The following AKR1C8 variants were observed in gnomAD, a reference collection of about 807,000 sequenced individuals.
AKR1C8 encodes the protein aldo-keto reductase family 1 member C-like protein 1.
the AKR1C8 span, among the ~76,000 whole-genome samples, chr10:5,152,183 G>C: frequency 6.6e-5 from 10 of 152,292 alleles, no homozygotes; most frequent in South Asian, 2.1e-3. Flanking sequence ...AGCCCACAAA[G>C]AATTTGGGAT....
the AKR1C8 span, among the ~76,000 whole-genome samples, chr10:5,121,849 A>G: frequency 6.6e-6 from 1 of 152,104 alleles, no homozygotes; most frequent in Middle Eastern, 3.2e-3. Context: ...TAGTGAGGGC[A>G]TCAAAAAAAG....
the AKR1C8 span, among the ~76,000 whole-genome samples, chr10:5,163,837 T>C: frequency 6.6e-6 from 1 of 152,028 alleles, no homozygotes; most frequent in Admixed American, 6.6e-5. Flanking sequence ...TCACCACAGA[T>C]ATGCCTTTGT....
the AKR1C8 span, among the ~76,000 whole-genome samples, chr10:5,143,435 G>A: frequency 6.6e-6 from 1 of 152,078 alleles, no homozygotes; most frequent in African/African-American, 2.4e-5. Context: ...TAGACTGGAG[G>A]ATACTTTGAT....
the AKR1C8 span, among the ~76,000 whole-genome samples, chr10:5,172,195 T>C: frequency 6.6e-5 from 10 of 152,248 alleles, no homozygotes; most frequent in Admixed American, 1.3e-4. Flanking sequence ...GAGGCCTAAT[T>C]ACTTTTAAAT....
chr10:5,118,825 C>A, the AKR1C8 span, among the ~76,000 whole-genome samples: 10 of 152,088 alleles, frequency 6.6e-5, no homozygotes, highest in Non-Finnish European at 1.3e-4. Context: ...TGCCATTTGA[C>A]TGGAGGGAGA....
the AKR1C8 span, among the ~76,000 whole-genome samples, chr10:5,129,356 AC>A: frequency 4.6e-5 from 7 of 152,018 alleles, no homozygotes; most frequent in Non-Finnish European, 1.0e-4. Context: ...CTAATATCAC[AC>A]CTCTATGTAC....
chr10:5,134,950 A>G, the AKR1C8 span, among the ~76,000 whole-genome samples: 1 of 152,334 alleles, frequency 6.6e-6, no homozygotes, highest in African/African-American at 2.4e-5. Flanking sequence ...GTACACGACC[A>G]TATGACCAGA....
At chr10:5,125,983 T>C in the AKR1C8 span, among the ~76,000 whole-genome samples, 2,685 of 152,196 alleles carry the variant, frequency 0.018, 77 homozygotes, top group African/African-American at 0.061. Context: ...CAAGACAACA[T>C]CCCGTAGCAC....
At chr10:5,161,840 A>C in the AKR1C8 span, 1 of 534,566 alleles carries the variant, frequency 1.9e-6, no homozygotes, top group South Asian at 1.4e-5. Context: ...CATAACAAGG[A>C]AAAACAAAAG....
At chr10:5,144,042 A>T in the AKR1C8 span, among the ~76,000 whole-genome samples, 1 of 152,142 alleles carries the variant, frequency 6.6e-6, no homozygotes, top group Non-Finnish European at 1.5e-5. Context: ...TCTATATATG[A>T]TACTTTTGAA....
At chr10:5,120,750 A>G in the AKR1C8 span, among the ~76,000 whole-genome samples, 2 of 152,042 alleles carry the variant, frequency 1.3e-5, no homozygotes, top group Non-Finnish European at 2.9e-5. Context: ...AAGAAGAGAG[A>G]CTGTTCACAT....
the AKR1C8 span, among the ~76,000 whole-genome samples, chr10:5,170,018 G>A: frequency 6.6e-6 from 1 of 152,028 alleles, no homozygotes; most frequent in African/African-American, 2.4e-5. Flanking sequence ...GTTGATTCCT[G>A]TAACAGGTAC....
At chr10:5,147,191 G>C in the AKR1C8 span, among the ~76,000 whole-genome samples, 3 of 152,076 alleles carry the variant, frequency 2.0e-5, no homozygotes, top group Non-Finnish European at 4.4e-5. Flanking sequence ...TTAACAAGCA[G>C]CCATCAAGAA....
the AKR1C8 span, among the ~76,000 whole-genome samples, chr10:5,147,537 CA>C: frequency 6.1e-4 from 89 of 145,080 alleles, no homozygotes; most frequent in East Asian, 1.2e-3. Flanking sequence ...AAAAATTAAC[CA>C]AAAAAAAAAA....
the AKR1C8 span, among the ~76,000 whole-genome samples, chr10:5,119,610 C>A: frequency 6.6e-6 from 1 of 152,202 alleles, no homozygotes; most frequent in East Asian, 1.9e-4. Context: ...TCCTCATATT[C>A]AAATCTTTGT....
At chr10:5,161,659 G>C in the AKR1C8 span, 1 of 531,658 alleles carries the variant, frequency 1.9e-6, no homozygotes, top group South Asian at 1.4e-5. Context: ...TGGGGGACAA[G>C]GATAGACAGA....
chr10:5,152,984 T>A, the AKR1C8 span, among the ~76,000 whole-genome samples: 1 of 152,082 alleles, frequency 6.6e-6, no homozygotes, highest in South Asian at 2.1e-4. Flanking sequence ...AAAAAAAGTT[T>A]GGAATGGAGG....
At chr10:5,180,719 G>A in the AKR1C8 span, among the ~76,000 whole-genome samples, 60 of 152,296 alleles carry the variant, frequency 3.9e-4, no homozygotes, top group African/African-American at 1.3e-3. Flanking sequence ...CCTGGCTGTC[G>A]CCTTGCAGTT....
the AKR1C8 span, among the ~76,000 whole-genome samples, chr10:5,146,827 G>C: frequency 3.2e-3 from 494 of 152,222 alleles, 3 homozygotes; most frequent in Non-Finnish European, 6.0e-3. Context: ...GTCTAGAAGG[G>C]TTATCTTCTC....
Sources: gnomAD v4.1 joint callset for allele counts (sites outside exome capture counted in the v4.1 genomes callset) on GRCh38, gnomAD v4.1.1 for gene constraint, MANE v1.5 for transcripts, NCBI Gene and HGNC (gene_info 2026-07-23, HGNC 2026-07-21) for gene names.